The following ALG6 variants were observed in gnomAD, a reference collection of about 807,000 sequenced individuals.
The protein encoded by ALG6 is dolichyl pyrophosphate Man9GlcNAc2 alpha-1,3-glucosyltransferase.
Under a neutral mutation model 66.6 loss-of-function variants are expected in ALG6, and 46 were observed. The ratio of observed to expected loss-of-function variants is 0.69; its 90% CI spans 0.55 to 0.88. The LOEUF (loss-of-function observed/expected upper bound fraction) is 0.88. ALG6 is among the 40% of genes least tolerant of loss of function. ALG6 has a pLI of 0.00. For synonymous variants in ALG6, 185 were observed against 203.7 expected, an observed-to-expected ratio of 0.91 and a Z score of 0.78; for missense variants, 505 against 586.8, an observed-to-expected ratio of 0.86 and a Z score of 1.44.
At chr1:63,420,513 A>G (rs1280553230) in intron 12 of ALG6, among the ~76,000 whole-genome samples, 1 of 152,218 alleles carries the variant, frequency 6.6e-6, no homozygotes, top group East Asian at 1.9e-4. Flanking sequence ...GATTATTTGT[A>G]ACAGTGCATG....
In ALG6 at chr1:63,436,887, A is replaced by G. The variant is rs1191734785; in HGVS notation, c.1391A>G (p.Gln464Arg). 6.2e-7 allele frequency: 1 copy of G among 1,613,896 alleles called. No individual in the cohort carries two copies. Among genetic ancestry groups the G allele is most frequent in the Non-Finnish European group, 8.5e-7 (1 of 1,179,834 alleles). ...ATGACTGTCACACTGGATCCTCCTCAGAAACTACCGGACTTGTTTTCTGTA... is the reference window on the plus strand; with the variant it reads ...ATGACTGTCACACTGGATCCTCCTCGGAAACTACCGGACTTGTTTTCTGTA... ...TLMTVTLDPP[Q>R]KLPDLFSVLV... Residue 464 changes from glutamine to arginine, a missense_variant, in exon 15 of 15, where the codon CAG (glutamine) becomes CGG (arginine). Gln to Arg is a conservative substitution (Grantham distance 43). Coordinates refer to ENST00000263440, the MANE Select transcript of ALG6 (RefSeq NM_013339.4).
chr1:63,384,637 C>G (rs1648442174), intron 2 of ALG6, among the ~76,000 whole-genome samples: 1 of 152,118 alleles, frequency 6.6e-6, no homozygotes, highest in South Asian at 2.1e-4. Flanking sequence ...ATATTTAAGT[C>G]TTTAATCCAT....
At chr1:63,374,113 G>A (rs535393092) in intron 2 of ALG6, among the ~76,000 whole-genome samples, 23 of 152,244 alleles carry the variant, frequency 1.5e-4, no homozygotes, top group African/African-American at 4.6e-4. Flanking sequence ...TGACAACTGG[G>A]ATTCAAATAT....
chr1:63,392,227 A>G (rs1221584687), intron 2 of ALG6, among the ~76,000 whole-genome samples: 1 of 151,828 alleles, frequency 6.6e-6, no homozygotes, highest in Non-Finnish European at 1.5e-5. Context: ...CTGGAGTGCA[A>G]TGGCATGATC....
In ALG6 at chr1:63,437,890, A is replaced by G. The variant is rs537830173; in HGVS notation, c.*870A>G. 4 of 152,082 alleles carry G rather than the reference A, an allele frequency of 2.6e-5. No homozygotes were observed. Among genetic ancestry groups the G allele is most frequent in the African/African-American group, 9.6e-5 (4 of 41,520 alleles). 9.4% of individuals were successfully genotyped at this position (152,082 alleles called of 1,614,324 possible). The stretch of plus-strand genomic sequence containing the variant: ...TGATTCATGTTAACTTCATCCTATT[A>G]ATACTGTATCACCCTGTATTAGCAG... On this transcript the variant is annotated 3_prime_UTR_variant, in exon 15 of 15. Transcript: ENST00000263440.
chr1:63,368,292 C>CT (rs1027281208), intron 1 of ALG6, among the ~76,000 whole-genome samples: 1 of 152,084 alleles, frequency 6.6e-6, no homozygotes, highest in African/African-American at 2.4e-5. Flanking sequence ...CGCATAATAT[C>CT]TTTAACCACA....
chr1:63,384,535 G>A (rs1228734946), intron 2 of ALG6, among the ~76,000 whole-genome samples: 1 of 152,084 alleles, frequency 6.6e-6, no homozygotes, highest in Non-Finnish European at 1.5e-5. Context: ...GCTTGTGCTT[G>A]TAGAGTATTA....
rs188053937 is a variant in ALG6, at chr1:63,388,651, C to T, written c.83-7862C>T. On this transcript the variant is annotated intron_variant, in intron 2 of 14. Coordinates refer to ENST00000263440, the MANE Select transcript of ALG6 (RefSeq NM_013339.4). Reference sequence around the variant, plus strand: ...AGTGTTAAAATACTTTGTGTACTTACTATTACCAGTGAGTTTTGTACCTTC... The same window carrying T: ...AGTGTTAAAATACTTTGTGTACTTATTATTACCAGTGAGTTTTGTACCTTC... 3.2e-4 allele frequency among the ~76,000 whole-genome samples: 48 copies of T among 152,248 alleles called. No homozygotes were observed. In the East Asian group the frequency reaches 7.5e-3, roughly 24 times the overall value.
intron 2 of ALG6, among the ~76,000 whole-genome samples, chr1:63,394,520 A>G (rs1371651172): frequency 6.6e-6 from 1 of 152,054 alleles, no homozygotes; most frequent in Non-Finnish European, 1.5e-5. Flanking sequence ...GCAGATGCCC[A>G]CCACCACCCT....
Position 63,415,850 on chromosome 1 carries a change from T to A in ALG6, c.903-23T>A, listed in dbSNP as rs138158161. ...TATACCTCTACAAAGAAGACAAATA[T>A]TTGATTTGTATTAATTTTTTAGCTT... is the stretch of plus-strand genomic sequence containing the variant. On this transcript the variant is annotated intron_variant, in intron 10 of 14. Coordinates refer to ENST00000263440, the MANE Select transcript of ALG6 (RefSeq NM_013339.4). 2,362 of 1,485,288 alleles carry A rather than the reference T, an allele frequency of 1.6e-3. 15 individuals are homozygous for A. The African/African-American group carries it at 0.024, about 15-fold the overall frequency. 92.0% of individuals were successfully genotyped at this position (1,485,288 alleles called of 1,614,324 possible). A position where few individuals can be genotyped will look rare whatever the true frequency, so the allele number is the denominator to read the frequency against.
chr1:63,420,718 G>A (rs1303494391), intron 12 of ALG6, among the ~76,000 whole-genome samples: 4 of 151,772 alleles, frequency 2.6e-5, no homozygotes, highest in African/African-American at 7.3e-5. Context: ...AAAATTAGCC[G>A]GGCATGGTGG....
At position 63,433,837 on chromosome 1, in the gene ALG6, G is replaced by A. The variant is rs751473525; in HGVS notation, c.1327-2986G>A. Among the ~76,000 whole-genome samples, 3 of 152,168 alleles carry A rather than the reference G, an allele frequency of 2.0e-5. No homozygotes were observed. The highest frequency in any genetic ancestry group is 4.8e-5 in the African/African-American group (2 of 41,446). ...AGCACCAGCATATGTAAAATATATG[G>A]CATGTCAGAGGGTGATAAGTGCTAT... On this transcript the variant is annotated intron_variant, in intron 14 of 14. Coordinates refer to ENST00000263440, the MANE Select transcript of ALG6 (RefSeq NM_013339.4). The surrounding 1 kb of genome is among the most constrained non-coding windows in gnomAD (Gnocchi z 4.2).
chr1:63,427,297 G>A (rs1215172453), intron 12 of ALG6, among the ~76,000 whole-genome samples: 1 of 151,808 alleles, frequency 6.6e-6, no homozygotes, highest in Non-Finnish European at 1.5e-5. Flanking sequence ...ACAGGTGTGA[G>A]CCACTGCGCC....
intron 3 of ALG6, among the ~76,000 whole-genome samples, chr1:63,397,210 G>A (rs1193136180): frequency 1.3e-5 from 2 of 151,560 alleles, no homozygotes; most frequent in Admixed American, 6.6e-5. Context: ...TTTTGAGATG[G>A]AGTCTCACTC....
intron 1 of ALG6, 97 bp from the exon 2 acceptor site, chr1:63,370,673 CT>C (rs1481598445): frequency 8.7e-6 from 3 of 345,238 alleles, no homozygotes; most frequent in Admixed American, 4.5e-5. Flanking sequence ...CCCACTACCC[CT>C]CCCCTCGAAT....
intron 12 of ALG6, among the ~76,000 whole-genome samples, chr1:63,427,337 A>C (rs550861895): frequency 6.6e-6 from 1 of 151,846 alleles, no homozygotes; most frequent in Admixed American, 6.6e-5. Context: ...AGTAGTTTTC[A>C]GTTTATAATC....
chr1:63,419,922 T>A (rs1350142517), intron 12 of ALG6, among the ~76,000 whole-genome samples: 1 of 152,170 alleles, frequency 6.6e-6, no homozygotes, highest in Non-Finnish European at 1.5e-5. Context: ...AAGCATTAAA[T>A]TTTTTTCCTG....
intron 2 of ALG6, among the ~76,000 whole-genome samples, chr1:63,394,875 T>C (rs1393103272): frequency 3.3e-5 from 5 of 150,984 alleles, no homozygotes; most frequent in Admixed American, 2.0e-4. Context: ...CTTTTCTTTT[T>C]TTTTTTTTTG....
At chr1:63,412,985 T>G (rs1340960503) in intron 9 of ALG6, among the ~76,000 whole-genome samples, 1 of 152,168 alleles carries the variant, frequency 6.6e-6, no homozygotes, top group Admixed American at 6.6e-5. Context: ...TTTGGTGTTG[T>G]GAAGGAACAG....
Sources: gnomAD v4.1 joint callset for allele counts (sites outside exome capture counted in the v4.1 genomes callset) on GRCh38, gnomAD v4.1.1 for gene constraint, Gnocchi (gnomAD v3.1) non-coding constraint, MANE v1.5 for transcripts, NCBI Gene and HGNC (gene_info 2026-07-23, HGNC 2026-07-21) for gene names.